Variants in RPA1 observed in about 807,000 individuals in gnomAD.
RPA1 encodes the protein replication protein A 70 kDa DNA-binding subunit.
Under a neutral mutation model 83.0 loss-of-function variants are expected in RPA1, and 49 were observed. The ratio of observed to expected loss-of-function variants is 0.59; its 90% CI spans 0.47 to 0.75. The LOEUF (loss-of-function observed/expected upper bound fraction) is 0.75. RPA1 is among the 30% of genes least tolerant of loss of function. The pLI is 0.00. For synonymous variants in RPA1, 279 were observed against 281.8 expected (o/e 0.99, Z 0.10); for missense variants, 693 against 776.1 (o/e 0.89, Z 1.27).
At chr17:1,890,394 G>A (rs1309515837) in intron 14 of RPA1, among the ~76,000 whole-genome samples, 1 of 151,622 alleles carries the variant, frequency 6.6e-6, no homozygotes, top group Non-Finnish European at 1.5e-5. Context: ...CGGGCACGGT[G>A]GCTCACGCCT....
At chr17:1,842,186 C>G (rs1257753012) in intron 1 of RPA1, among the ~76,000 whole-genome samples, 1 of 151,778 alleles carries the variant, frequency 6.6e-6, no homozygotes, top group Admixed American at 6.6e-5. Flanking sequence ...TCGTAGTAAA[C>G]CTAACATCAT....
chr17:1,869,519 C>T (rs1375752308), intron 5 of RPA1, among the ~76,000 whole-genome samples: 3 of 143,194 alleles, frequency 2.1e-5, no homozygotes, highest in Non-Finnish European at 3.0e-5. Flanking sequence ...GCCTGGGTAA[C>T]AAGAGCGAGA....
chr17:1,880,264 C>T (rs1913739431), intron 11 of RPA1, among the ~76,000 whole-genome samples: 1 of 152,148 alleles, frequency 6.6e-6, no homozygotes, highest in Non-Finnish European at 1.5e-5. Context: ...AAGGATTGTG[C>T]TGTCTGGTAA....
chr17:1,851,739 A>G (rs1912502650), intron 4 of RPA1, among the ~76,000 whole-genome samples: 1 of 152,160 alleles, frequency 6.6e-6, no homozygotes, highest in Non-Finnish European at 1.5e-5. Context: ...GAAAGTAGTT[A>G]AATATCTGCC....
chr17:1,872,832 C>T (rs2151284113), intron 6 of RPA1, among the ~76,000 whole-genome samples: 1 of 151,544 alleles, frequency 6.6e-6, no homozygotes, highest in East Asian at 1.9e-4. Context: ...GGGCGCATGC[C>T]ACCATGCCTG....
At position 1,877,321 on chromosome 17, in the gene RPA1, G is replaced by A; in HGVS notation, c.690+7G>A. ...AGAACTGGTTGACGAAAGTGTGAGT[G>A]TTTGTCATGCTGGGGAGTGAGGGCA... On this transcript the variant is annotated splice_region_variant and intron_variant, in intron 8 of 16. Coordinates refer to ENST00000254719, the MANE Select transcript of RPA1 (RefSeq NM_002945.5). The A allele has an allele frequency of 6.2e-7, 1 of 1,613,006 alleles. No homozygotes were observed. Among genetic ancestry groups the A allele is most frequent in the Non-Finnish European group, 8.5e-7 (1 of 1,179,244 alleles).
chr17:1,837,752 G>A (rs1281416672), intron 1 of RPA1, among the ~76,000 whole-genome samples: 1 of 152,144 alleles, frequency 6.6e-6, no homozygotes, highest in Admixed American at 6.5e-5. Context: ...CACATCTTTT[G>A]TTCACCTAAA....
intron 5 of RPA1, among the ~76,000 whole-genome samples, chr17:1,855,295 G>A (rs139733451): frequency 2.0e-5 from 3 of 152,098 alleles, no homozygotes; most frequent in Non-Finnish European, 4.4e-5. Context: ...CAGAGTAGCT[G>A]GGATTACAGG....
intron 4 of RPA1, among the ~76,000 whole-genome samples, chr17:1,849,289 C>CTTT (rs61062085): frequency 0.17 from 19,338 of 115,136 alleles, 2,039 homozygotes; most frequent in Non-Finnish European, 0.18. Context: ...GTTGGCTGTT[C>CTTT]TTTTTTTTTT....
intron 1 of RPA1, among the ~76,000 whole-genome samples, chr17:1,837,481 T>TA (rs1410030548): frequency 1.3e-5 from 2 of 152,246 alleles, no homozygotes; most frequent in African/African-American, 4.8e-5. Flanking sequence ...TTCTCTGGGA[T>TA]AAATATCTAG....
Position 1,884,069 on chromosome 17 carries a change from G to T in RPA1, c.1374+125G>T. On this transcript the variant is annotated intron_variant, in intron 13 of 16. Coordinates refer to ENST00000254719, the MANE Select transcript of RPA1 (RefSeq NM_002945.5). This position sits in a 1 kb window ranked among gnomAD's most constrained non-coding sequence, Gnocchi z 4.1. ...TCTTACCCGGGGCTGTGACCTGAGCGTGGCATGGGGGTTGAGAATCACTGG... is the reference window on the plus strand; with the variant it reads ...TCTTACCCGGGGCTGTGACCTGAGCTTGGCATGGGGGTTGAGAATCACTGG... 1 of 1,306,006 alleles carries T rather than the reference G, an allele frequency of 7.7e-7. No individual in the cohort carries two copies. The highest frequency in any genetic ancestry group is 1.1e-6 in the Non-Finnish European group (1 of 948,478). The allele number at this position is 1,306,006 out of a possible 1,614,324, so 80.9% of individuals were successfully genotyped here. A position where few individuals can be genotyped will look rare whatever the true frequency, so the allele number is the denominator to read the frequency against.
At chr17:1,849,009 T>C (rs1190817439) in intron 4 of RPA1, among the ~76,000 whole-genome samples, 1 of 152,230 alleles carries the variant, frequency 6.6e-6, no homozygotes, top group Non-Finnish European at 1.5e-5. Context: ...AAGTTTTTTG[T>C]GGACAGACGT....
At chr17:1,837,314 C>T (rs1222422378) in intron 1 of RPA1, among the ~76,000 whole-genome samples, 2 of 152,092 alleles carry the variant, frequency 1.3e-5, no homozygotes, top group African/African-American at 2.4e-5. Flanking sequence ...TAATCTGCAC[C>T]TTTTTATGGC....
intron 1 of RPA1, among the ~76,000 whole-genome samples, chr17:1,837,532 G>A (rs1038196493): frequency 2.0e-5 from 3 of 152,214 alleles, no homozygotes; most frequent in Non-Finnish European, 2.9e-5. Flanking sequence ...ATGTGTAAAA[G>A]AAATCGCCAA....
chr17:1,852,582 C>G (rs1319390255), intron 4 of RPA1, among the ~76,000 whole-genome samples: 1 of 152,204 alleles, frequency 6.6e-6, no homozygotes. Flanking sequence ...GGGGGGTTAG[C>G]AAGGCCAGGC....
intron 4 of RPA1, among the ~76,000 whole-genome samples, chr17:1,845,968 TAAA>T (rs929203020): frequency 6.6e-6 from 1 of 152,110 alleles, no homozygotes; most frequent in Non-Finnish European, 1.5e-5. Context: ...AAAACCGAGA[TAAA>T]AAATGATAAC....
intron 8 of RPA1, 33 bp downstream of exon 8, chr17:1,877,347 G>T: frequency 2.5e-6 from 4 of 1,590,284 alleles, no homozygotes; most frequent in Non-Finnish European, 3.4e-6. Context: ...AGTGAGGGCA[G>T]TGGGCTCGCC....
intron 5 of RPA1, among the ~76,000 whole-genome samples, chr17:1,858,659 T>C (rs1296044385): frequency 6.6e-6 from 1 of 151,564 alleles, no homozygotes; most frequent in African/African-American, 2.4e-5. Context: ...GAGACGCGGT[T>C]TTGCCATGTT....
rs1362883920 is a variant in RPA1, at chr17:1,898,945, CTT to C, written c.*1772_*1773del. On this transcript the variant is annotated 3_prime_UTR_variant, in exon 17 of 17. Transcript: ENST00000254719. ...TCTAGCTTTCAGCCCAGTAACCAGT[CTT>C]TCATGCCTACTACTCCCAGCATTCC... 1 of 152,872 alleles carries C rather than the reference CTT, an allele frequency of 6.5e-6. No homozygotes were observed. The highest frequency in any genetic ancestry group is 1.9e-4 in the East Asian group (1 of 5,204). 9.5% of individuals were successfully genotyped at this position (152,872 alleles called of 1,614,324 possible).
Sources: gnomAD v4.1 joint callset for allele counts (sites outside exome capture counted in the v4.1 genomes callset) on GRCh38, gnomAD v4.1.1 for gene constraint, Gnocchi (gnomAD v3.1) non-coding constraint, MANE v1.5 for transcripts, NCBI Gene and HGNC (gene_info 2026-07-23, HGNC 2026-07-21) for gene names.